The following UNC5B variants were observed in gnomAD, a reference collection of about 807,000 sequenced individuals.
The protein encoded by UNC5B is unc-5 netrin receptor B.
Under a neutral mutation model 103.7 loss-of-function variants are expected in UNC5B, and 56 were observed. The observed-to-expected ratio is 0.54, with a 90% confidence interval of 0.44 to 0.67. UNC5B has a LOEUF of 0.67. Among genes scored for constraint, UNC5B ranks in the 30% least tolerant of loss-of-function variants. UNC5B has a pLI of 0.00. For synonymous variants in UNC5B, 577 were observed against 542.0 expected, an observed-to-expected ratio of 1.06 and a Z score of -0.90; for missense variants, 1,194 against 1,284.5, an observed-to-expected ratio of 0.93 and a Z score of 1.08.
At chr10:71,263,134 T>C (rs1844447669) in intron 1 of UNC5B, among the ~76,000 whole-genome samples, 1 of 152,152 alleles carries the variant, frequency 6.6e-6, no homozygotes, top group Non-Finnish European at 1.5e-5. Flanking sequence ...CTGGGCATCC[T>C]ACGTTCTGAG....
At position 71,231,551 on chromosome 10, in the gene UNC5B, A is replaced by G. The variant is rs143897479; in HGVS notation, c.79+18487A>G. 8.5e-5 allele frequency among the ~76,000 whole-genome samples: 13 copies of G among 152,220 alleles called. No individual in the cohort carries two copies. In the East Asian group the frequency reaches 2.5e-3, roughly 29 times the overall value. On this transcript the variant is annotated intron_variant, in intron 1 of 16. Transcript: ENST00000335350. The stretch of plus-strand genomic sequence containing the variant: ...CAGGGCTGTGTACGCTCAGCAATGT[A>G]CCCTAAATGCTCAGAACGGTGCCCA...
At chr10:71,254,220 T>G (rs916870275) in intron 1 of UNC5B, among the ~76,000 whole-genome samples, 1 of 152,050 alleles carries the variant, frequency 6.6e-6, no homozygotes, top group African/African-American at 2.4e-5. Context: ...GCAGAGGGGG[T>G]TTTGTGCCCT....
chr10:71,231,872 T>G (rs1052200707), intron 1 of UNC5B, among the ~76,000 whole-genome samples: 8 of 152,136 alleles, frequency 5.3e-5, no homozygotes, highest in African/African-American at 1.9e-4. Context: ...TGGTCTTGGG[T>G]TCTGGCCTGG....
intron 1 of UNC5B, among the ~76,000 whole-genome samples, chr10:71,227,196 G>A (rs1341779127): frequency 6.6e-6 from 1 of 152,078 alleles, no homozygotes; most frequent in East Asian, 1.9e-4. Context: ...TGTTGGCCAG[G>A]CTGGTCTCGA....
intron 13 of UNC5B, among the ~76,000 whole-genome samples, chr10:71,295,548 C>T (rs532225080): frequency 6.6e-6 from 1 of 152,278 alleles, no homozygotes; most frequent in African/African-American, 2.4e-5. Flanking sequence ...GCCATCAATC[C>T]GTTTATCCAT....
Position 71,295,994 on chromosome 10 carries a change from C to T in UNC5B, c.2325+34C>T, listed in dbSNP as rs781505320. The T allele has an allele frequency of 4.6e-5, 74 of 1,611,478 alleles. No individual in the cohort carries two copies. In the East Asian group the frequency reaches 9.8e-4, roughly 21 times the overall value. On this transcript the variant is annotated intron_variant, in intron 14 of 16. Transcript: ENST00000335350. ...TGGGCTGATGGATGGGGAGGGGCACCACTTAAGGGCTGCCCGGGAAGCCCA... is the reference window on the plus strand; with the variant it reads ...TGGGCTGATGGATGGGGAGGGGCACTACTTAAGGGCTGCCCGGGAAGCCCA...
chr10:71,227,421 A>G (rs1237025931), intron 1 of UNC5B, among the ~76,000 whole-genome samples: 1 of 151,680 alleles, frequency 6.6e-6, no homozygotes, highest in East Asian at 1.9e-4. Context: ...GATGGGGGAA[A>G]TGTGGGAGGG....
intron 1 of UNC5B, among the ~76,000 whole-genome samples, chr10:71,254,501 T>A (rs1024242374): frequency 1.3e-5 from 2 of 152,224 alleles, no homozygotes; most frequent in Non-Finnish European, 2.9e-5. Context: ...GGGGAGGTTT[T>A]CTCACGAGTC....
chr10:71,257,613 A>G (rs1844321152), intron 1 of UNC5B, among the ~76,000 whole-genome samples: 1 of 152,190 alleles, frequency 6.6e-6, no homozygotes. Context: ...GAGCTGCACC[A>G]GCCTGGACTG....
At chr10:71,296,452 C>A in intron 14 of UNC5B, 126 bp from the exon 15 acceptor site, 1 of 1,114,948 alleles carries the variant, frequency 9.0e-7, no homozygotes. Context: ...GCACTTGACC[C>A]CTCCCTATCT....
chr10:71,296,534 C>G (rs760288053), intron 14 of UNC5B, 44 bp from the exon 15 acceptor site: 3 of 1,604,038 alleles, frequency 1.9e-6, no homozygotes, highest in African/African-American at 2.7e-5. Flanking sequence ...GAGGACAGGG[C>G]AGGCTGGCCT....
intron 1 of UNC5B, among the ~76,000 whole-genome samples, chr10:71,252,720 A>G (rs571361149): frequency 6.6e-6 from 1 of 152,328 alleles, no homozygotes; most frequent in African/African-American, 2.4e-5. Flanking sequence ...GCCCAAGGCC[A>G]GACCCCTTCA....
intron 2 of UNC5B, 27 bp from the exon 3 acceptor site, chr10:71,284,693 C>A (rs781487930): frequency 7.4e-6 from 12 of 1,611,872 alleles, no homozygotes; most frequent in Non-Finnish European, 9.3e-6. Context: ...GCCCCTGCCC[C>A]CTGACGGCTC....
At chr10:71,244,805 G>A (rs981816979) in intron 1 of UNC5B, among the ~76,000 whole-genome samples, 2 of 152,186 alleles carry the variant, frequency 1.3e-5, no homozygotes, top group East Asian at 3.9e-4. Flanking sequence ...TGTGTGCGCC[G>A]AACTGGTTGG....
chr10:71,296,919 C>T (rs1180689621), intron 15 of UNC5B, among the ~76,000 whole-genome samples, 177 bp downstream of exon 15: 2 of 144,492 alleles, frequency 1.4e-5, no homozygotes, highest in African/African-American at 2.7e-5. Flanking sequence ...GCAGATATTC[C>T]AGCTGCACAC....
At position 71,291,484 on chromosome 10, in the gene UNC5B, C is replaced by T. The variant is rs762531117; in HGVS notation, c.1347C>T (p.Ala449=). 56 of 1,613,880 alleles carry T rather than the reference C, an allele frequency of 3.5e-5. No homozygotes were observed. Among genetic ancestry groups the T allele is most frequent in the Admixed American group, 1.5e-4 (9 of 59,982 alleles). The change falls in exon 10 of 17, where the codon GCC becomes GCT. Residue 449 remains alanine, a synonymous_variant. Transcript: ENST00000335350. The part of the protein sequence containing the change: ...PSVPPDLTAS[A]GIYRGPVYAL... ...TGCCTCCTGACCTGACAGCCAGCGC[C>T]GGCATCTACCGCGGACCCGTGTATG...
chr10:71,269,352 C>CCCG (rs1554865166), intron 1 of UNC5B, among the ~76,000 whole-genome samples: 9 of 145,572 alleles, frequency 6.2e-5, no homozygotes, highest in African/African-American at 1.7e-4. Context: ...GTCCCCCCCC[C>CCCG]ACAACTTCTC....
At chr10:71,238,105 T>C (rs1297996264) in intron 1 of UNC5B, among the ~76,000 whole-genome samples, 1 of 152,144 alleles carries the variant, frequency 6.6e-6, no homozygotes, top group Non-Finnish European at 1.5e-5. Flanking sequence ...AGAAGCTAAA[T>C]AAATAGGAGT....
Position 71,302,386 on chromosome 10 carries a change from C to T in UNC5B, c.*3109C>T, listed in dbSNP as rs117120062. On this transcript the variant is annotated 3_prime_UTR_variant, in exon 17 of 17. Coordinates refer to ENST00000335350, the MANE Select transcript of UNC5B (RefSeq NM_170744.5). ...GCGAGCGTGTGTGTGTGCTCCTCTG[C>T]GTCCCAGGTTTGGACGTCTAGGGTT... 563 of 152,398 alleles carry T rather than the reference C, an allele frequency of 3.7e-3. 3 individuals carry two copies. Among genetic ancestry groups the T allele is most frequent in the Non-Finnish European group, 4.2e-3 (283 of 68,100 alleles). 9.4% of individuals were successfully genotyped at this position (152,398 alleles called of 1,614,324 possible). A position where few individuals can be genotyped will look rare whatever the true frequency, so the allele number is the denominator to read the frequency against.
Sources: gnomAD v4.1 joint callset for allele counts (sites outside exome capture counted in the v4.1 genomes callset) on GRCh38, gnomAD v4.1.1 for gene constraint, MANE v1.5 for transcripts, NCBI Gene and HGNC (gene_info 2026-07-23, HGNC 2026-07-21) for gene names.